The following DYNC2LI1 variants were observed in gnomAD, a reference collection of about 807,000 sequenced individuals.
DYNC2LI1 encodes the protein cytoplasmic dynein 2 light intermediate chain 1.
Under a neutral mutation model 51.9 loss-of-function variants are expected in DYNC2LI1, and 45 were observed. The ratio of observed to expected loss-of-function variants is 0.87; its 90% CI spans 0.68 to 1.11. The LOEUF (loss-of-function observed/expected upper bound fraction) is 1.11, where lower values mean the gene tolerates loss of function less well. Among genes scored for constraint, DYNC2LI1 ranks in the 50% most tolerant of loss-of-function variants. The pLI is 0.00. For missense variants in DYNC2LI1, 490 were observed against 417.4 expected, an observed-to-expected ratio of 1.17 and a Z score of -1.51; for synonymous variants, 130 against 137.8, an observed-to-expected ratio of 0.94 and a Z score of 0.40.
intron 4 of DYNC2LI1, among the ~76,000 whole-genome samples, chr2:43,789,418 G>A (rs1213422490): frequency 6.6e-6 from 1 of 152,064 alleles, no homozygotes; most frequent in Admixed American, 6.5e-5. Context: ...GGGCATTTGT[G>A]TACACATATA....
rs565927720 is a variant in DYNC2LI1 at position 43,806,100 on chromosome 2, T to C, written c.993+854T>C. 6.2e-4 allele frequency among the ~76,000 whole-genome samples: 94 copies of C among 152,272 alleles called. 1 individual carries two copies. The highest frequency in any genetic ancestry group is 2.2e-3 in the African/African-American group (93 of 41,564). ...GGTTTCACCATCTTGGCCAGGCTGG[T>C]CTTGAACTCCTGACCTCGTGATCCA... On this transcript the variant is annotated intron_variant, in intron 12 of 12. Transcript: ENST00000260605.
chr2:43,807,581 A>G (rs527485589), intron 12 of DYNC2LI1, among the ~76,000 whole-genome samples: 105 of 152,124 alleles, frequency 6.9e-4, no homozygotes, highest in African/African-American at 2.4e-3. Context: ...CTGGGACTAC[A>G]GGCACACATC....
intron 8 of DYNC2LI1, among the ~76,000 whole-genome samples, chr2:43,797,108 A>G (rs552586921): frequency 3.9e-4 from 60 of 152,342 alleles, no homozygotes; most frequent in Non-Finnish European, 6.8e-4. Context: ...ATTAGAATCT[A>G]TATTCCCCTA....
intron 1 of DYNC2LI1, among the ~76,000 whole-genome samples, chr2:43,774,999 G>T (rs1304300957): frequency 2.0e-5 from 3 of 151,822 alleles, no homozygotes; most frequent in Non-Finnish European, 2.9e-5. Context: ...AACATTTAAG[G>T]ACTCCTGTTT....
the DYNC2LI1 span, chr2:43,822,957 C>T: frequency 1.2e-6 from 2 of 1,612,808 alleles, no homozygotes; most frequent in Non-Finnish European, 1.7e-6. Context: ...AGGCAGGTTT[C>T]AGAACAGTCA....
chr2:43,820,502 G>A, the DYNC2LI1 span, among the ~76,000 whole-genome samples: 2 of 152,062 alleles, frequency 1.3e-5, no homozygotes, highest in African/African-American at 4.8e-5. Context: ...CCGCTTCCCA[G>A]CACCCCCTTC....
downstream of DYNC2LI1, among the ~76,000 whole-genome samples, chr2:43,812,205 C>T (rs537080286): frequency 6.6e-6 from 1 of 152,130 alleles, no homozygotes; most frequent in South Asian, 2.1e-4. Context: ...TGTGAGACAC[C>T]ATGTCTAGCT....
rs144728784 is a variant in DYNC2LI1 at position 43,798,004 on chromosome 2, G to A, written c.654+1209G>A. ...TAGCTGGCCATGGTGGCACACACCA[G>A]TTGTCTCAGCTACTTGGGAGGCTGA... On this transcript the variant is annotated intron_variant, in intron 8 of 12. Transcript: ENST00000260605. Among the ~76,000 whole-genome samples the A allele has an allele frequency of 1.8e-3, 272 of 152,184 alleles. 1 individual carries two copies. Among genetic ancestry groups the A allele is most frequent in the African/African-American group, 6.4e-3 (265 of 41,508 alleles).
chr2:43,815,063 A>G, the DYNC2LI1 span, among the ~76,000 whole-genome samples: 1 of 152,208 alleles, frequency 6.6e-6, no homozygotes, highest in Non-Finnish European at 1.5e-5. Flanking sequence ...GAAAATACAG[A>G]CCTAACACAT....
chr2:43,828,252 G>A, the DYNC2LI1 span: 2 of 1,120,730 alleles, frequency 1.8e-6, no homozygotes, highest in Non-Finnish European at 2.6e-6. Flanking sequence ...CACACCCTGG[G>A]GAAAGCATGT....
In DYNC2LI1 at chr2:43,795,903, T is replaced by A. The variant is rs144067195; in HGVS notation, c.521T>A (p.Ile174Asn). ...MPKDHPDHEL[I>N]DPFPVPLVII... ...GTTTATTAGCAGGATCATGAATTAATTGACCCATTTCCGGTACCTCTGGTC... is the reference window on the plus strand; with the variant it reads ...GTTTATTAGCAGGATCATGAATTAAATGACCCATTTCCGGTACCTCTGGTC... Residue 174 changes from isoleucine (I) to asparagine (N), a missense_variant, in exon 7 of 13, where the codon ATT becomes AAT. Coordinates refer to ENST00000260605, the MANE Select transcript of DYNC2LI1 (RefSeq NM_016008.4). 6.2e-7 allele frequency: 1 copy of A among 1,612,692 alleles called. No homozygotes were observed. Among genetic ancestry groups the A allele is most frequent in the African/African-American group, 1.3e-5 (1 of 74,898 alleles).
At chr2:43,804,619 T>G in intron 10 of DYNC2LI1, 23 bp from the exon 11 acceptor site, 1 of 1,450,092 alleles carries the variant, frequency 6.9e-7, no homozygotes, top group African/African-American at 1.4e-5. Flanking sequence ...TGCAGTCATT[T>G]GTGGTAAAAC....
At chr2:43,791,041 C>T (rs1394006351) in intron 5 of DYNC2LI1, among the ~76,000 whole-genome samples, 2 of 151,766 alleles carry the variant, frequency 1.3e-5, no homozygotes, top group South Asian at 2.1e-4. Context: ...ATAGTGAGAC[C>T]CCATCTCTAC....
At chr2:43,808,516 T>C (rs1313618695) in intron 12 of DYNC2LI1, among the ~76,000 whole-genome samples, 1 of 152,226 alleles carries the variant, frequency 6.6e-6, no homozygotes, top group Non-Finnish European at 1.5e-5. Context: ...TACAGTTATT[T>C]AGACATTGAA....
At chr2:43,783,253 G>A (rs529588012) in intron 2 of DYNC2LI1, among the ~76,000 whole-genome samples, 2 of 152,316 alleles carry the variant, frequency 1.3e-5, no homozygotes, top group South Asian at 2.1e-4. Flanking sequence ...GACCACTTAA[G>A]TGAGGTATGA....
chr2:43,822,225 C>A, the DYNC2LI1 span, among the ~76,000 whole-genome samples: 6 of 152,166 alleles, frequency 3.9e-5, no homozygotes, highest in Non-Finnish European at 7.3e-5. Flanking sequence ...TCTACCGAAG[C>A]TCTTTTTTGG....
the DYNC2LI1 span, among the ~76,000 whole-genome samples, chr2:43,821,467 A>G: frequency 1.3e-5 from 2 of 152,192 alleles, no homozygotes; most frequent in African/African-American, 4.8e-5. Context: ...CCAGGATTTC[A>G]GAGTCTGAGG....
At chr2:43,784,335 C>G (rs1034234264) in intron 3 of DYNC2LI1, among the ~76,000 whole-genome samples, 32 of 152,190 alleles carry the variant, frequency 2.1e-4, no homozygotes, top group Non-Finnish European at 4.6e-4. Context: ...TCTTTTTAGA[C>G]CACATTTAGA....
Position 43,792,948 on chromosome 2 carries a change from T to C in DYNC2LI1, c.321-1509T>C, listed in dbSNP as rs1673859473. 4.0e-6 allele frequency: 3 copies of C among 754,530 alleles called. No homozygotes were observed. The South Asian group carries it at 7.5e-5, about 19-fold the overall frequency. 46.7% of individuals were successfully genotyped at this position (754,530 alleles called of 1,614,324 possible). ...TTCATCTTTTGACTATTGTGAGTAA[T>C]GCTGGTATGAACATTGGTGTACATT... On this transcript the variant is annotated intron_variant, in intron 5 of 12. Transcript: ENST00000260605.
Sources: gnomAD v4.1 joint callset for allele counts (sites outside exome capture counted in the v4.1 genomes callset) on GRCh38, gnomAD v4.1.1 for gene constraint, MANE v1.5 for transcripts, NCBI Gene and HGNC (gene_info 2026-07-23, HGNC 2026-07-21) for gene names.